GPHN: variants seen among roughly 807,000 people sequenced by gnomAD.
GPHN encodes the protein gephyrin.
GPHN carries 17 observed loss-of-function variants against 95.5 expected under a neutral mutation model. The ratio of observed to expected loss-of-function variants is 0.18; its 90% confidence interval spans 0.12 to 0.27. The LOEUF is 0.27. Among genes scored for constraint, GPHN ranks in the 10% least tolerant of loss-of-function variants. The pLI is 1.00. For synonymous variants in GPHN, 320 were observed against 322.5 expected (o/e 0.99, Z 0.08); for missense variants, 660 against 978.1 (o/e 0.67, Z 4.34).
chr14:66,759,659 T>A (rs529221991), intron 2 of GPHN, among the ~76,000 whole-genome samples: 2 of 152,294 alleles, frequency 1.3e-5, no homozygotes, highest in East Asian at 3.9e-4. Flanking sequence ...GAGGGATGAA[T>A]CTGGTTTTAT....
chr14:67,396,258 CTG>C, the GPHN span, among the ~76,000 whole-genome samples: 1 of 151,938 alleles, frequency 6.6e-6, no homozygotes, highest in African/African-American at 2.4e-5. Flanking sequence ...AGCAATTCTC[CTG>C]CCTCAGCCTC....
chr14:66,834,684 A>G (rs2061721325), intron 4 of GPHN, among the ~76,000 whole-genome samples: 1 of 151,868 alleles, frequency 6.6e-6, no homozygotes, highest in African/African-American at 2.4e-5. Flanking sequence ...TTTTTGCATC[A>G]ATGTTCATCA....
chr14:66,944,029 A>G (rs1423302230), intron 8 of GPHN, among the ~76,000 whole-genome samples: 1 of 152,238 alleles, frequency 6.6e-6, no homozygotes, highest in East Asian at 1.9e-4. Context: ...TAATTCAGTC[A>G]ACTGAGAAAA....
intron 4 of GPHN, among the ~76,000 whole-genome samples, chr14:66,846,579 A>G (rs997021822): frequency 2.6e-5 from 4 of 152,098 alleles, no homozygotes; most frequent in Non-Finnish European, 5.9e-5. Context: ...TTATTTATTC[A>G]GGAAGAAGAA....
the GPHN span, among the ~76,000 whole-genome samples, chr14:67,230,440 C>T: frequency 0.012 from 1,834 of 152,114 alleles, 19 homozygotes; most frequent in Non-Finnish European, 0.018. Context: ...GGTATGATGG[C>T]CCATATCTAT....
intron 9 of GPHN, among the ~76,000 whole-genome samples, chr14:66,995,020 G>A (rs146539734): frequency 2.6e-4 from 40 of 151,800 alleles, no homozygotes; most frequent in South Asian, 1.5e-3. Context: ...ACAAATCTTA[G>A]ATAATAAGTG....
Position 66,508,517 on chromosome 14 carries a change from C to T in GPHN, c.-11C>T, listed in dbSNP as rs1566730656. On this transcript the variant is annotated 5_prime_UTR_variant, in exon 1 of 23. Transcript: ENST00000478722. ...CCGGCTCCTGTCAGTGCGGTGACTG[C>T]GCTGGGAAACATGGCGACCGAGGGA... 1.9e-6 allele frequency: 3 copies of T among 1,613,658 alleles called. No homozygotes were observed. The South Asian group carries it at 3.3e-5, about 18-fold the overall frequency.
At chr14:67,411,518 C>G in the GPHN span, among the ~76,000 whole-genome samples, 3 of 152,228 alleles carry the variant, frequency 2.0e-5, no homozygotes, top group South Asian at 4.2e-4. Context: ...TTCACCGCCC[C>G]GAGCAAGTTC....
chr14:67,043,238 A>T (rs1379078492), intron 10 of GPHN, among the ~76,000 whole-genome samples: 1 of 152,126 alleles, frequency 6.6e-6, no homozygotes, highest in East Asian at 1.9e-4. Context: ...CTCTTGCCTG[A>T]TTGCCCTGGC....
At chr14:66,949,993 G>GAAAAAAAAAAAAAAAAAAAAA (rs71129809) in intron 8 of GPHN, among the ~76,000 whole-genome samples, 2 of 57,814 alleles carry the variant, frequency 3.5e-5, no homozygotes, top group African/African-American at 5.0e-5. Flanking sequence ...TTTAGGACAG[G>GAAAAAAAAAAAAAAAAAAAAA]AAAAAAAAAA....
chr14:67,483,005 T>C, the GPHN span, among the ~76,000 whole-genome samples: 1 of 152,108 alleles, frequency 6.6e-6, no homozygotes, highest in South Asian at 2.1e-4. Context: ...GCTACGTTCT[T>C]TTTTTGTTTG....
At chr14:66,612,151 A>C (rs540224886) in intron 1 of GPHN, among the ~76,000 whole-genome samples, 6 of 152,016 alleles carry the variant, frequency 3.9e-5, no homozygotes, top group Admixed American at 1.3e-4. Flanking sequence ...TTGCATGCCT[A>C]AACTCTACCA....
chr14:67,280,853 T>TTCCCACCC, the GPHN span, among the ~76,000 whole-genome samples: 1 of 77,610 alleles, frequency 1.3e-5, no homozygotes, highest in African/African-American at 1.0e-4. Flanking sequence ...CCTTCCTTCC[T>TTCCCACCC]TCCCTCCCTC....
chr14:67,144,286 T>TATATATATATATATAC lies in GPHN; in HGVS notation c.1836+838_1836+839insTATATATATATATACA, dbSNP rs1421893686. ...ATATATATATATATATATATATATA[T>TATATATATATATATAC]ACACACACACATACACAAATATTTT... On this transcript the variant is annotated intron_variant, in intron 18 of 22. Coordinates refer to ENST00000478722, the MANE Select transcript of GPHN (RefSeq NM_020806.5). 1.1e-3 allele frequency among the ~76,000 whole-genome samples: 86 copies of TATATATATATATATAC among 78,110 alleles called. 10 individuals are homozygous for TATATATATATATATAC. In the East Asian group the frequency reaches 0.019, roughly 17 times the overall value. 51.2% of individuals were successfully genotyped at this position (78,110 alleles called of 152,430 possible). A position where few individuals can be genotyped will look rare whatever the true frequency, so the allele number is the denominator to read the frequency against.
At chr14:66,819,738 G>T (rs1047721921) in intron 3 of GPHN, among the ~76,000 whole-genome samples, 2 of 151,872 alleles carry the variant, frequency 1.3e-5, no homozygotes, top group East Asian at 3.9e-4. Context: ...AATGTAAAAA[G>T]GCAGTAAAAA....
intron 9 of GPHN, among the ~76,000 whole-genome samples, chr14:66,994,884 C>G (rs1321362743): frequency 6.6e-6 from 1 of 152,112 alleles, no homozygotes; most frequent in Non-Finnish European, 1.5e-5. Flanking sequence ...AAATTCTGAG[C>G]ATTATTTCAT....
the GPHN span, chr14:67,645,618 T>C: frequency 1.2e-6 from 2 of 1,604,496 alleles, no homozygotes; most frequent in East Asian, 4.5e-5. Context: ...CAGAGGGCCT[T>C]CAAGATTATA....
chr14:66,879,186 A>G (rs900981519), intron 4 of GPHN, among the ~76,000 whole-genome samples: 22 of 152,114 alleles, frequency 1.4e-4, no homozygotes, highest in Admixed American at 9.8e-4. Context: ...AGAGGGAAAC[A>G]TCACACACCA....
the GPHN span, among the ~76,000 whole-genome samples, chr14:67,409,768 G>A: frequency 5.9e-5 from 9 of 152,256 alleles, no homozygotes; most frequent in South Asian, 1.0e-3. Context: ...CGCAGGCCCT[G>A]CCCCACCTCT....
Sources: gnomAD v4.1 joint callset for allele counts (sites outside exome capture counted in the v4.1 genomes callset) on GRCh38, gnomAD v4.1.1 for gene constraint, MANE v1.5 for transcripts, NCBI Gene and HGNC (gene_info 2026-07-23, HGNC 2026-07-21) for gene names.